Variants in PARP14 observed in about 807,000 individuals in gnomAD.
PARP14 encodes the protein poly(ADP-ribose) polymerase family member 14, also known as protein mono-ADP-ribosyltransferase PARP14.
A neutral mutation model predicts 154.2 loss-of-function variants in PARP14; 59 were observed. That is an observed-to-expected ratio of 0.38 (90% CI 0.31 to 0.48). The LOEUF is 0.48. Ranked by LOEUF, PARP14 falls within the 20% of genes least tolerant of loss-of-function variation. PARP14 has a pLI of 0.98. For synonymous variants in PARP14, 720 were observed against 780.5 expected, an observed-to-expected ratio of 0.92 and a Z score of 1.29; for missense variants, 1,734 against 2,131.6, an observed-to-expected ratio of 0.81 and a Z score of 3.67.
At chr3:122,709,030 T>TA (rs1939242365) in intron 9 of PARP14, among the ~76,000 whole-genome samples, 1 of 152,210 alleles carries the variant, frequency 6.6e-6, no homozygotes. Flanking sequence ...AAGTTTGAAC[T>TA]TTATTTTCAT....
Position 122,681,918 on chromosome 3 carries a change from T to A in PARP14, c.187+848T>A, listed in dbSNP as rs1938221044. Among the ~76,000 whole-genome samples the A allele has an allele frequency of 6.6e-6, 1 of 152,198 alleles. No homozygotes were observed. The highest frequency in any genetic ancestry group is 6.5e-5 in the Admixed American group (1 of 15,284). ...TTTTCCACTGGCATCTTATGGATGA[T>A]GACCTATCGGGATCTAGTCAACCCC... On this transcript the variant is annotated intron_variant, in intron 1 of 16. Coordinates refer to ENST00000474629, the MANE Select transcript of PARP14 (RefSeq NM_017554.3). The surrounding 1 kb of genome is among the most constrained non-coding windows in gnomAD (Gnocchi z 5.5).
intron 6 of PARP14, 122 bp from the exon 7 acceptor site, chr3:122,703,620 C>T (rs1939054693): frequency 1.6e-6 from 1 of 610,692 alleles, no homozygotes; most frequent in Non-Finnish European, 2.9e-6. Flanking sequence ...ATATTTCAAT[C>T]ACTGAAACCG....
intron 5 of PARP14, 38 bp from the exon 6 acceptor site, chr3:122,699,352 A>T: frequency 7.5e-7 from 1 of 1,334,060 alleles, no homozygotes; most frequent in Non-Finnish European, 1.0e-6. Flanking sequence ...GCCATATATC[A>T]TCCTGGGCTT....
intron 12 of PARP14, among the ~76,000 whole-genome samples, chr3:122,714,906 G>A (rs958792062): frequency 2.6e-5 from 4 of 152,194 alleles, no homozygotes; most frequent in Non-Finnish European, 5.9e-5. Context: ...ACAGTCAGCT[G>A]TGTCACTTGG....
In PARP14 at chr3:122,699,514, A is replaced by G. The variant is rs925001583; in HGVS notation, c.960A>G (p.Ala320=). Residue 320 remains alanine (A), a synonymous_variant, in exon 6 of 17, where the codon GCA becomes GCG. Transcript: ENST00000474629. ...GKEKPLIKLP[A]PFEESLDLPL... ...AGAAGCCTCTGATCAAGCTTCCAGC[A>G]CCATTTGAAGAGTCACTAGATCTTC... 5 of 1,613,880 alleles carry G rather than the reference A, an allele frequency of 3.1e-6. No homozygotes were observed. The highest frequency in any genetic ancestry group is 1.3e-5 in the African/African-American group (1 of 74,946).
At chr3:122,705,446 G>T (rs1450685538) in intron 8 of PARP14, among the ~76,000 whole-genome samples, 2 of 152,188 alleles carry the variant, frequency 1.3e-5, no homozygotes, top group Non-Finnish European at 2.9e-5. Context: ...GGTTAGAATG[G>T]ATTAGCACAT....
At chr3:122,708,039 C>T (rs1296144577) in intron 8 of PARP14, 151 bp from the exon 9 acceptor site, 4 of 566,286 alleles carry the variant, frequency 7.1e-6, no homozygotes, top group Non-Finnish European at 1.3e-5. Flanking sequence ...GTTTTTATAA[C>T]TTTCAAGATC....
rs778286132 is a variant in PARP14, at chr3:122,718,233, G to A, written c.4163G>A (p.Gly1388Glu). 1.9e-6 allele frequency: 3 copies of A among 1,613,406 alleles called. No individual in the cohort carries two copies. The highest frequency in any genetic ancestry group is 1.7e-6 in the Non-Finnish European group (2 of 1,179,686). The change falls in exon 13 of 17, where the codon GGG becomes GAG. Residue 1388 changes from glycine to glutamate, a missense_variant. Gly to Glu is a moderately conservative substitution (Grantham distance 98). Around this residue, in one of 2 missense-constraint regions of PARP14, gnomAD observed 1,646 missense variants for 1,976.0 expected, o/e 0.83. Transcript: ENST00000474629. Reference sequence around the variant, plus strand: ...TATGCCAACATGAAGAAAAGAGAAGGGACTCAGCTTTCTTCCCAACAGTCT... The same window carrying A: ...TATGCCAACATGAAGAAAAGAGAAGAGACTCAGCTTTCTTCCCAACAGTCT... ...VFYANMKKREGTQLSSQQSVM... is the reference protein window; with the variant it reads ...VFYANMKKREETQLSSQQSVM...
intron 12 of PARP14, among the ~76,000 whole-genome samples, chr3:122,715,659 T>G (rs965149155): frequency 2.7e-5 from 4 of 149,214 alleles, no homozygotes; most frequent in Non-Finnish European, 4.5e-5. Context: ...TCTATCGATC[T>G]GTCTATCTAT....
rs1933352310 is a variant in PARP14 at position 122,728,865 on chromosome 3, A to G, written c.*268A>G. 2.6e-6 allele frequency: 1 copy of G among 391,616 alleles called. No homozygotes were observed. The highest frequency in any genetic ancestry group is 2.7e-5 in the South Asian group (1 of 37,244). The allele number at this position is 391,616 out of a possible 1,614,324, so 24.3% of individuals were successfully genotyped here. A position where few individuals can be genotyped will look rare whatever the true frequency, so the allele number is the denominator to read the frequency against. ...GTATGGACATCAAATCTGTGGGAAA[A>G]GAACAGGTTTGTATTTTCAGGAAGG... On this transcript the variant is annotated 3_prime_UTR_variant, in exon 17 of 17. Coordinates refer to ENST00000474629, the MANE Select transcript of PARP14 (RefSeq NM_017554.3).
At chr3:122,704,023 G>T (rs781556459) in intron 7 of PARP14, 45 bp downstream of exon 7, 4 of 1,344,962 alleles carry the variant, frequency 3.0e-6, no homozygotes, top group Non-Finnish European at 4.3e-6. Context: ...GTAGCCCTTT[G>T]GGTTCTCCTT....
At chr3:122,711,278 T>G (rs1203007060) in intron 9 of PARP14, among the ~76,000 whole-genome samples, 2 of 152,220 alleles carry the variant, frequency 1.3e-5, no homozygotes, top group African/African-American at 4.8e-5. Context: ...CCTATTTTGT[T>G]GAGGGTTTTT....
rs746674469 is a variant in PARP14 at position 122,720,339 on chromosome 3, C to T, written c.4892C>T (p.Thr1631Met). 27 of 1,612,692 alleles carry T rather than the reference C, an allele frequency of 1.7e-5. No homozygotes were observed. The highest frequency in any genetic ancestry group is 1.6e-4 in the Middle Eastern group (1 of 6,082). The change falls in exon 15 of 17, where the codon ACG becomes ATG. Residue 1631 changes from threonine (T) to methionine (M), a missense_variant. Physicochemically the swap from Thr to Met is moderately conservative, Grantham distance 81 (BLOSUM62 -1). This residue lies in a region of PARP14 where 1,646 missense variants were observed against 1,976.0 expected (regional missense o/e 0.83). Coordinates refer to ENST00000474629, the MANE Select transcript of PARP14 (RefSeq NM_017554.3). ...CTGCCTAGTGATCCTGAGTACAACA[C>T]GGTGGCAAGCAAGTTTAATCAGACC... ...ELLPSDPEYNTVASKFNQTCS... is the reference protein window; with the variant it reads ...ELLPSDPEYNMVASKFNQTCS...
chr3:122,681,144 C>G lies in PARP14; in HGVS notation c.187+74C>G. ...TCCAGGGAAATGGCGGCAGGGCACGCACGGGAGGGTGACCCGCCCGACTTC... is the reference window on the plus strand; with the variant it reads ...TCCAGGGAAATGGCGGCAGGGCACGGACGGGAGGGTGACCCGCCCGACTTC... On this transcript the variant is annotated intron_variant, in intron 1 of 16. Coordinates refer to ENST00000474629, the MANE Select transcript of PARP14 (RefSeq NM_017554.3). The surrounding 1 kb of genome is among the most constrained non-coding windows in gnomAD (Gnocchi z 5.5). 1.7e-6 allele frequency: 2 copies of G among 1,190,046 alleles called. No individual in the cohort carries two copies. The highest frequency in any genetic ancestry group is 1.4e-5 in the South Asian group (1 of 71,944). The allele number at this position is 1,190,046 out of a possible 1,614,324, so 73.7% of individuals were successfully genotyped here.
intron 5 of PARP14, among the ~76,000 whole-genome samples, chr3:122,698,342 C>T (rs1938845390): frequency 6.6e-6 from 1 of 152,236 alleles, no homozygotes; most frequent in African/African-American, 2.4e-5. Context: ...TCTGCAGATG[C>T]TCTGCTTAAT....
Position 122,729,260 on chromosome 3 carries a change from T to A in PARP14, c.*663T>A, listed in dbSNP as rs1213816444. On this transcript the variant is annotated 3_prime_UTR_variant, in exon 17 of 17. Transcript: ENST00000474629. ...ATTCTTCACAAACTAGCCAGTGACATGTGGGACAGCTCTGGCCAGGGCTCT... is the reference window on the plus strand; with the variant it reads ...ATTCTTCACAAACTAGCCAGTGACAAGTGGGACAGCTCTGGCCAGGGCTCT... 1 of 153,008 alleles carries A rather than the reference T, an allele frequency of 6.5e-6. No individual in the cohort carries two copies. The highest frequency in any genetic ancestry group is 6.5e-5 in the Admixed American group (1 of 15,364). The allele number at this position is 153,008 out of a possible 1,614,324, so 9.5% of individuals were successfully genotyped here.
At position 122,714,350 on chromosome 3, in the gene PARP14, C is replaced by CA; in HGVS notation, c.3923dup (p.Ser1309GlufsTer11). On this transcript the variant is annotated frameshift_variant, in exon 12 of 17. Coordinates refer to ENST00000474629, the MANE Select transcript of PARP14 (RefSeq NM_017554.3). LOFTEE classifies it high-confidence loss of function. ...TTCATGTAATTGGTGGAAATGATGT[C>CA]AAGAGTTCAGTTTCCTCTGTTTTGC... The CA allele has an allele frequency of 2.5e-6, 4 of 1,586,092 alleles. No homozygotes were observed. Among genetic ancestry groups the CA allele is most frequent in the Non-Finnish European group, 3.4e-6 (4 of 1,171,362 alleles).
chr3:122,728,640 T>C lies in PARP14; in HGVS notation c.*43T>C, dbSNP rs1933347049. 2.1e-5 allele frequency: 31 copies of C among 1,452,976 alleles called. No homozygotes were observed. The highest frequency in any genetic ancestry group is 2.9e-5 in the Non-Finnish European group (31 of 1,062,582). The allele number at this position is 1,452,976 out of a possible 1,614,324, so 90.0% of individuals were successfully genotyped here. The stretch of plus-strand genomic sequence containing the variant: ...CACAAAATTATTCTCCATTTGTACA[T>C]ATCTAGTTGTAAAACAAGTTTTAGC... On this transcript the variant is annotated 3_prime_UTR_variant, in exon 17 of 17. Transcript: ENST00000474629.
chr3:122,715,643 T>TATC (rs1235902584), intron 12 of PARP14, among the ~76,000 whole-genome samples: 1 of 148,866 alleles, frequency 6.7e-6, no homozygotes, highest in Non-Finnish European at 1.5e-5. Context: ...TCTATCTATC[T>TATC]ATCTATCTAT....
Sources: gnomAD v4.1 joint callset for allele counts (sites outside exome capture counted in the v4.1 genomes callset) on GRCh38, gnomAD v4.1.1 for gene constraint, gnomAD v4.1.1 regional missense constraint, Gnocchi (gnomAD v3.1) non-coding constraint, MANE v1.5 for transcripts, NCBI Gene and HGNC (gene_info 2026-07-23, HGNC 2026-07-21) for gene names.